Variants in DDX25 observed in about 807,000 individuals in gnomAD.
DDX25 encodes ATP-dependent RNA helicase DDX25.
In DDX25, 70 loss-of-function variants were observed where a neutral mutation model predicts 64.6. That is an observed-to-expected ratio of 1.08 (90% confidence interval 0.89 to 1.32). DDX25 has a LOEUF of 1.32. DDX25 is among the 40% of genes most tolerant of loss of function. DDX25 has a pLI of 0.00. For missense variants in DDX25, 587 were observed against 604.4 expected (o/e 0.97, Z 0.30); for synonymous variants, 211 against 213.3 (o/e 0.99, Z 0.09).
intron 9 of DDX25, among the ~76,000 whole-genome samples, chr11:125,917,766 G>C (rs549031828): frequency 1.3e-5 from 2 of 152,206 alleles, no homozygotes; most frequent in Non-Finnish European, 2.9e-5. Flanking sequence ...AAAAACATAT[G>C]TGTAGAATAA....
chr11:125,908,528 G>T, intron 6 of DDX25, 25 bp downstream of exon 6: 1 of 1,607,154 alleles, frequency 6.2e-7, no homozygotes, highest in South Asian at 1.1e-5. Context: ...AGAGAAGACT[G>T]GGAATGCTTG....
intron 8 of DDX25, among the ~76,000 whole-genome samples, chr11:125,914,836 A>G (rs1419061998): frequency 6.6e-6 from 1 of 152,204 alleles, no homozygotes; most frequent in African/African-American, 2.4e-5. Context: ...TCCTGGGTTC[A>G]AGCAGTTCTC....
chr11:125,905,441 T>A (rs1229017644), intron 2 of DDX25, 112 bp from the exon 3 acceptor site: 2 of 1,345,978 alleles, frequency 1.5e-6, no homozygotes, highest in South Asian at 2.6e-5. Flanking sequence ...ATGAAATGAC[T>A]CTTCTTGCCA....
chr11:125,905,157 G>T, intron 1 of DDX25, 55 bp from the exon 2 acceptor site: 1 of 1,503,064 alleles, frequency 6.7e-7, no homozygotes, highest in South Asian at 1.2e-5. Context: ...GGGAAGCACT[G>T]GGCTGCTTGA....
At chr11:125,911,116 A>C (rs1944961749) in intron 7 of DDX25, among the ~76,000 whole-genome samples, 195 bp from the exon 8 acceptor site, 1 of 152,154 alleles carries the variant, frequency 6.6e-6, no homozygotes, top group South Asian at 2.1e-4. Flanking sequence ...GCCATTTTTC[A>C]CAGTTAAGAA....
rs751147231 is a variant in DDX25 at position 125,921,142 on chromosome 11, T to C, written c.1202-49T>C. 5.2e-6 allele frequency: 8 copies of C among 1,543,120 alleles called. No individual in the cohort carries two copies. In the African/African-American group the frequency reaches 8.2e-5, roughly 16 times the overall value. On this transcript the variant is annotated intron_variant, in intron 10 of 11. Coordinates refer to ENST00000263576, the MANE Select transcript of DDX25 (RefSeq NM_013264.5). The surrounding 1 kb of genome is among the most constrained non-coding windows in gnomAD (Gnocchi z 4.1). Reference sequence around the variant, plus strand: ...GCAGACGTGGTACTTGAATGGCCCGTGTACTGAGGAAAGCATTGCAGGACC... The same window carrying C: ...GCAGACGTGGTACTTGAATGGCCCGCGTACTGAGGAAAGCATTGCAGGACC...
rs1410938295 is a variant in DDX25 at position 125,925,967 on chromosome 11, T to TA, written c.*3087dup. ...ACATATGACCAACAGTGGAAAATCT[T>TA]AGAGGAGTGATGGGGGTGGTGGGTG... is the stretch of plus-strand genomic sequence containing the variant. On this transcript the variant is annotated 3_prime_UTR_variant, in exon 12 of 12. Transcript: ENST00000263576. 6.5e-6 allele frequency: 1 copy of TA among 153,606 alleles called. No individual in the cohort carries two copies. The highest frequency in any genetic ancestry group is 2.4e-5 in the African/African-American group (1 of 41,424). The allele number at this position is 153,606 out of a possible 1,614,324, so 9.5% of individuals were successfully genotyped here.
chr11:125,914,416 G>A (rs377317877), intron 8 of DDX25, among the ~76,000 whole-genome samples: 27 of 152,208 alleles, frequency 1.8e-4, no homozygotes, highest in Admixed American at 3.9e-4. Flanking sequence ...CGTCCCATTC[G>A]GTATGCATAT....
rs943015342 is a variant in DDX25 at position 125,924,355 on chromosome 11, G to A, written c.*1474G>A. On this transcript the variant is annotated 3_prime_UTR_variant, in exon 12 of 12. Transcript: ENST00000263576. The stretch of plus-strand genomic sequence containing the variant: ...ACACCAGGGAAAAGGAGGTGAGTGA[G>A]ATACAACAGCCATGTTGGAATTCAG... 3 of 152,348 alleles carry A rather than the reference G, an allele frequency of 2.0e-5. No homozygotes were observed. The highest frequency in any genetic ancestry group is 2.9e-5 in the Non-Finnish European group (2 of 68,086). The allele number at this position is 152,348 out of a possible 1,614,324, so 9.4% of individuals were successfully genotyped here.
At chr11:125,907,519 A>G (rs1944909571) in intron 4 of DDX25, among the ~76,000 whole-genome samples, 1 of 152,072 alleles carries the variant, frequency 6.6e-6, no homozygotes. Context: ...GAGGCAGGAG[A>G]ATGGCGTGAA....
intron 4 of DDX25, 78 bp downstream of exon 4, chr11:125,906,287 A>T: frequency 7.0e-7 from 1 of 1,427,124 alleles, no homozygotes. Context: ...AGTAAAAACC[A>T]TCAGGATCTC....
At chr11:125,920,954 G>T in intron 10 of DDX25, 4 of 413,894 alleles carry the variant, frequency 9.7e-6, no homozygotes, top group Non-Finnish European at 8.6e-6. Context: ...ACACACACAC[G>T]CCTTGTGTAT....
chr11:125,909,686 T>A (rs1186852912), intron 6 of DDX25, among the ~76,000 whole-genome samples: 1 of 151,060 alleles, frequency 6.6e-6, no homozygotes, highest in Admixed American at 6.6e-5. Flanking sequence ...TCTCACCCTG[T>A]CAACTAGGCT....
In DDX25 at chr11:125,925,401, T is replaced by C; in HGVS notation, c.*2520T>C. On this transcript the variant is annotated 3_prime_UTR_variant, in exon 12 of 12. Coordinates refer to ENST00000263576, the MANE Select transcript of DDX25 (RefSeq NM_013264.5). ...AAGCCATCCTGTGTCACAGCTGCAT[T>C]AACACGAACTGGCTAGTTTGGTGAG... 1 of 456,270 alleles carries C rather than the reference T, an allele frequency of 2.2e-6. No homozygotes were observed. The highest frequency in any genetic ancestry group is 4.4e-6 in the Non-Finnish European group (1 of 226,948). 28.3% of individuals were successfully genotyped at this position (456,270 alleles called of 1,614,324 possible).
At chr11:125,904,406 C>G (rs1591512841), upstream of DDX25, 4 of 1,084,652 alleles carry the variant, frequency 3.7e-6, no homozygotes, top group Non-Finnish European at 4.8e-6. Context: ...GTCGCGGGCG[C>G]GGACGCGGAC....
At chr11:125,903,950 G>A (rs1305851544), upstream of DDX25, among the ~76,000 whole-genome samples, 1 of 152,168 alleles carries the variant, frequency 6.6e-6, no homozygotes, top group Non-Finnish European at 1.5e-5. Context: ...AACATCACAG[G>A]TATCTAGGGC....
chr11:125,914,565 GA>G (rs1945011422), intron 8 of DDX25, among the ~76,000 whole-genome samples: 5 of 152,090 alleles, frequency 3.3e-5, no homozygotes, highest in Admixed American at 3.3e-4. Flanking sequence ...AAAGTAGGGG[GA>G]TCCACCTGCT....
chr11:125,910,592 C>A, intron 7 of DDX25, 114 bp downstream of exon 7: 2 of 864,468 alleles, frequency 2.3e-6, no homozygotes, highest in Non-Finnish European at 1.9e-6. Flanking sequence ...AATAATACCA[C>A]TCATGTCATA....
At position 125,921,510 on chromosome 11, in the gene DDX25, A is replaced by T. The variant is rs1945115764; in HGVS notation, c.1390+131A>T. The T allele has an allele frequency of 1.0e-6, 1 of 983,454 alleles. No homozygotes were observed. The highest frequency in any genetic ancestry group is 2.6e-5 in the East Asian group (1 of 37,938). The allele number at this position is 983,454 out of a possible 1,614,324, so 60.9% of individuals were successfully genotyped here. A position where few individuals can be genotyped will look rare whatever the true frequency, so the allele number is the denominator to read the frequency against. On this transcript the variant is annotated intron_variant, in intron 11 of 11. Coordinates refer to ENST00000263576, the MANE Select transcript of DDX25 (RefSeq NM_013264.5). This position sits in a 1 kb window ranked among gnomAD's most constrained non-coding sequence, Gnocchi z 4.1. ...AGAATGCATGAGCTGGAAGGCTTCTAATTCACAGGACCAGGGTTCTAATAT... is the reference window on the plus strand; with the variant it reads ...AGAATGCATGAGCTGGAAGGCTTCTTATTCACAGGACCAGGGTTCTAATAT...
Sources: gnomAD v4.1 joint callset for allele counts (sites outside exome capture counted in the v4.1 genomes callset) on GRCh38, gnomAD v4.1.1 for gene constraint, Gnocchi (gnomAD v3.1) non-coding constraint, MANE v1.5 for transcripts, NCBI Gene and HGNC (gene_info 2026-07-23, HGNC 2026-07-21) for gene names.